DPP10: variants seen among roughly 807,000 people sequenced by gnomAD.
DPP10 encodes inactive dipeptidyl peptidase 10.
DPP10 carries 33 observed loss-of-function variants against 120.9 expected under a neutral mutation model. The ratio of observed to expected loss-of-function variants is 0.27; its 90% confidence interval spans 0.21 to 0.37. The LOEUF (loss-of-function observed/expected upper bound fraction) is 0.37, where lower values mean the gene tolerates loss of function less well. Among genes scored for constraint, DPP10 ranks in the 10% least tolerant of loss-of-function variants. The pLI, the probability that DPP10 is intolerant of heterozygous loss-of-function variation, is 1.00. For missense variants in DPP10, 816 were observed against 942.8 expected (o/e 0.87, Z 1.76); for synonymous variants, 337 against 326.1 (o/e 1.03, Z -0.36).
intron 1 of DPP10, among the ~76,000 whole-genome samples, chr2:115,228,564 A>T (rs995985790): frequency 1.3e-5 from 2 of 151,830 alleles, no homozygotes; most frequent in African/African-American, 4.8e-5. Flanking sequence ...TCTACTCTCT[A>T]TCTCTGTAAG....
chr2:114,833,544 C>T (rs962261068), intron 1 of DPP10: 3 of 152,250 alleles, frequency 2.0e-5, no homozygotes, highest in Admixed American at 2.0e-4. Context: ...ACAGGTGGAA[C>T]GTATAGTGCT....
chr2:115,495,811 G>A (rs756397628), intron 3 of DPP10, among the ~76,000 whole-genome samples: 1 of 152,084 alleles, frequency 6.6e-6, no homozygotes, highest in Admixed American at 6.6e-5. Context: ...TGACTGAGTC[G>A]AATGTGTGTT....
intron 1 of DPP10, among the ~76,000 whole-genome samples, chr2:115,063,648 CA>C (rs1706598607): frequency 6.6e-6 from 1 of 152,084 alleles, no homozygotes; most frequent in Non-Finnish European, 1.5e-5. Context: ...ACAAATCTGA[CA>C]AAAACAAGCA....
At chr2:115,147,543 C>G (rs1256284088) in intron 1 of DPP10, among the ~76,000 whole-genome samples, 5 of 152,024 alleles carry the variant, frequency 3.3e-5, no homozygotes, top group Non-Finnish European at 5.9e-5. Context: ...TAGACAGTGC[C>G]TGATTCACAT....
chr2:115,772,009 T>A (rs957383704), intron 13 of DPP10, among the ~76,000 whole-genome samples: 2 of 151,882 alleles, frequency 1.3e-5, no homozygotes, highest in African/African-American at 2.4e-5. Context: ...TTTTTTTTTT[T>A]CCTCATTTAC....
At chr2:114,982,445 C>T (rs926476189) in intron 1 of DPP10, among the ~76,000 whole-genome samples, 1 of 152,040 alleles carries the variant, frequency 6.6e-6, no homozygotes, top group Non-Finnish European at 1.5e-5. Flanking sequence ...TATACTAATG[C>T]CACACATTTT....
intron 1 of DPP10, among the ~76,000 whole-genome samples, chr2:115,296,696 T>A (rs188055052): frequency 1.3e-5 from 2 of 152,094 alleles, no homozygotes; most frequent in African/African-American, 4.8e-5. Context: ...TGAGTATTTT[T>A]AAAAATATAA....
At chr2:115,728,060 A>T in intron 8 of DPP10, 124 bp downstream of exon 8, 2 of 1,141,828 alleles carry the variant, frequency 1.8e-6, no homozygotes, top group Non-Finnish European at 2.4e-6. Flanking sequence ...TTTCTCTCAA[A>T]ATTGCCCTCA....
intron 1 of DPP10, among the ~76,000 whole-genome samples, chr2:114,491,273 C>T (rs1681976982): frequency 6.6e-6 from 1 of 152,104 alleles, no homozygotes; most frequent in Non-Finnish European, 1.5e-5. Context: ...TCAGAATGAA[C>T]TGTTTCCTAC....
intron 1 of DPP10, among the ~76,000 whole-genome samples, chr2:115,295,295 A>T (rs1048686925): frequency 6.6e-6 from 1 of 152,100 alleles, no homozygotes. Context: ...AGCACAAATG[A>T]TGTGAAATGC....
At chr2:115,062,688 G>A (rs181005033) in intron 1 of DPP10, among the ~76,000 whole-genome samples, 1 of 152,248 alleles carries the variant, frequency 6.6e-6, no homozygotes, top group Non-Finnish European at 1.5e-5. Flanking sequence ...ATGGCTTCCA[G>A]CTCCATCCAT....
intron 1 of DPP10, among the ~76,000 whole-genome samples, chr2:114,900,400 A>G (rs189219841): frequency 6.6e-6 from 1 of 152,322 alleles, no homozygotes; most frequent in Non-Finnish European, 1.5e-5. Flanking sequence ...TTACCAATGC[A>G]TGAGCATTCT....
At chr2:115,751,005 A>G (rs898575212) in intron 10 of DPP10, among the ~76,000 whole-genome samples, 1 of 152,290 alleles carries the variant, frequency 6.6e-6, no homozygotes, top group Admixed American at 6.5e-5. Context: ...AATTGAGACA[A>G]ATTTCTGATT....
intron 1 of DPP10, among the ~76,000 whole-genome samples, chr2:115,259,256 C>T (rs1381299014): frequency 1.4e-4 from 22 of 151,842 alleles, no homozygotes; most frequent in African/African-American, 2.9e-4. Flanking sequence ...CCAAGGTGGG[C>T]GGATCACCTG....
chr2:114,985,351 A>G (rs944210640), intron 1 of DPP10, among the ~76,000 whole-genome samples: 4 of 152,076 alleles, frequency 2.6e-5, no homozygotes, highest in Non-Finnish European at 5.9e-5. Flanking sequence ...AGGGCTCCTT[A>G]TTTATTTTCT....
intron 5 of DPP10, among the ~76,000 whole-genome samples, chr2:115,547,158 G>A (rs1392232032): frequency 6.6e-6 from 1 of 152,044 alleles, no homozygotes; most frequent in Non-Finnish European, 1.5e-5. Context: ...TGGGCTCTAA[G>A]CAAGACATGA....
chr2:114,745,626 A>T (rs1286986579), intron 1 of DPP10, among the ~76,000 whole-genome samples: 2 of 152,258 alleles, frequency 1.3e-5, no homozygotes, highest in Non-Finnish European at 1.5e-5. Context: ...TGCTGACTGT[A>T]CTGAAGGAGA....
intron 1 of DPP10, among the ~76,000 whole-genome samples, chr2:114,676,551 A>C (rs1698683324): frequency 6.6e-6 from 1 of 152,118 alleles, no homozygotes; most frequent in African/African-American, 2.4e-5. Flanking sequence ...ATTGCCATTA[A>C]AGTAATGTCT....
chr2:115,685,331 A>G (rs1250962565), intron 5 of DPP10, among the ~76,000 whole-genome samples: 19 of 151,978 alleles, frequency 1.3e-4, no homozygotes, highest in Non-Finnish European at 7.4e-5. Flanking sequence ...GTATATTTCT[A>G]TGACGTACTC....
Sources: gnomAD v4.1 joint callset for allele counts (sites outside exome capture counted in the v4.1 genomes callset) on GRCh38, gnomAD v4.1.1 for gene constraint, MANE v1.5 for transcripts, NCBI Gene and HGNC (gene_info 2026-07-23, HGNC 2026-07-21) for gene names.